Variants in MAP7 observed in about 807,000 individuals in gnomAD.
MAP7 encodes the protein ensconsin.
MAP7 carries 52 observed loss-of-function variants against 94.8 expected under a neutral mutation model. The ratio of observed to expected loss-of-function variants is 0.55; its 90% CI spans 0.44 to 0.69. MAP7 has a LOEUF of 0.69. Among genes scored for constraint, MAP7 ranks in the 30% least tolerant of loss-of-function variants. The pLI is 0.00. For synonymous variants in MAP7, 350 were observed against 357.0 expected, an observed-to-expected ratio of 0.98 and a Z score of 0.22; for missense variants, 940 against 964.6, an observed-to-expected ratio of 0.97 and a Z score of 0.34.
At chr6:136,365,676 T>C in intron 10 of MAP7, 59 bp downstream of exon 10, 2 of 1,548,686 alleles carry the variant, frequency 1.3e-6, no homozygotes, top group Non-Finnish European at 1.7e-6. Flanking sequence ...AAAAGCTTCA[T>C]CAAAACAGTG....
chr6:136,446,663 C>G (rs1484492292), intron 1 of MAP7, among the ~76,000 whole-genome samples: 3 of 152,208 alleles, frequency 2.0e-5, no homozygotes, highest in Admixed American at 2.0e-4. Flanking sequence ...CACCAGGAAT[C>G]TCATTCACAT....
At chr6:136,357,622 G>A (rs1161678462) in intron 15 of MAP7, among the ~76,000 whole-genome samples, 1 of 151,998 alleles carries the variant, frequency 6.6e-6, no homozygotes, top group African/African-American at 2.4e-5. Flanking sequence ...AGCCTCTCAA[G>A]TAGCTGGAAC....
chr6:136,426,811 G>A (rs1009771300), intron 1 of MAP7, among the ~76,000 whole-genome samples: 3 of 152,290 alleles, frequency 2.0e-5, no homozygotes, highest in African/African-American at 7.2e-5. Context: ...TTCTCGTGAA[G>A]GCAATGGAAA....
At chr6:136,419,334 A>G (rs1300960361) in intron 2 of MAP7, among the ~76,000 whole-genome samples, 1 of 152,240 alleles carries the variant, frequency 6.6e-6, no homozygotes, top group African/African-American at 2.4e-5. Flanking sequence ...GCAGTGGTGG[A>G]TGGGGAGAAC....
chr6:136,442,668 C>G (rs1798225016), intron 1 of MAP7, among the ~76,000 whole-genome samples: 1 of 152,134 alleles, frequency 6.6e-6, no homozygotes, highest in Admixed American at 6.5e-5. Flanking sequence ...AGAATTTAAA[C>G]TAGAATCATC....
At position 136,526,291 on chromosome 6, in the gene MAP7, A is replaced by ACG; in HGVS notation, c.67+24050_67+24051insCG. ...TACACGCGCGCGCACACACACACAC[A>ACG]CACACACACTCCTTCCAGAAAAGCC... On this transcript the variant is annotated intron_variant, in intron 1 of 17. Coordinates refer to ENST00000354570, the MANE Select transcript of MAP7 (RefSeq NM_003980.6). 3 of 1,043,986 alleles carry ACG rather than the reference A, an allele frequency of 2.9e-6. No individual in the cohort carries two copies. The African/African-American group carries it at 5.1e-5, about 18-fold the overall frequency. The allele number at this position is 1,043,986 out of a possible 1,614,324, so 64.7% of individuals were successfully genotyped here.
intron 1 of MAP7, among the ~76,000 whole-genome samples, chr6:136,474,538 T>A (rs1810192894): frequency 6.6e-6 from 1 of 152,154 alleles, no homozygotes; most frequent in Non-Finnish European, 1.5e-5. Context: ...TGAGTACTAC[T>A]ACAACAGAGC....
chr6:136,531,255 G>A lies in MAP7; in HGVS notation c.67+19087C>T, dbSNP rs574268884. Among the ~76,000 whole-genome samples, 7 of 144,978 alleles carry A rather than the reference G, an allele frequency of 4.8e-5. 1 individual carries two copies. Among genetic ancestry groups the A allele is most frequent in the African/African-American group, 2.0e-4 (7 of 35,042 alleles). ...ATCCAATTTTATAGATTCCAAATGA[G>A]GGAAAGAAATCAATCGCTGGGTTCA... On this transcript the variant is annotated intron_variant, in intron 1 of 17. Transcript: ENST00000354570.
chr6:136,468,469 G>T (rs2128931193), intron 1 of MAP7, among the ~76,000 whole-genome samples: 1 of 152,264 alleles, frequency 6.6e-6, no homozygotes, highest in East Asian at 1.9e-4. Flanking sequence ...TTACAATGGG[G>T]TTATGTCCTG....
intron 1 of MAP7, among the ~76,000 whole-genome samples, chr6:136,520,817 A>C (rs770531587): frequency 6.6e-6 from 1 of 152,236 alleles, no homozygotes; most frequent in African/African-American, 2.4e-5. Flanking sequence ...GCATGCAAGA[A>C]CATGATGGAG....
chr6:136,438,431 A>T (rs1796955338), intron 1 of MAP7, among the ~76,000 whole-genome samples: 1 of 152,220 alleles, frequency 6.6e-6, no homozygotes, highest in Non-Finnish European at 1.5e-5. Flanking sequence ...TGAGAAAGGG[A>T]TTAGACAAAC....
chr6:136,529,691 G>A (rs946412925), intron 1 of MAP7, among the ~76,000 whole-genome samples: 11 of 152,114 alleles, frequency 7.2e-5, no homozygotes, highest in African/African-American at 2.7e-4. Context: ...GCTTTATATT[G>A]CGTAAAAATA....
chr6:136,396,356 C>T (rs1462376238), intron 3 of MAP7, among the ~76,000 whole-genome samples: 1 of 152,004 alleles, frequency 6.6e-6, no homozygotes, highest in African/African-American at 2.4e-5. Context: ...TCTTTTTCCA[C>T]TGGTTTGTCA....
chr6:136,397,110 T>C (rs1000694651), intron 3 of MAP7, among the ~76,000 whole-genome samples: 3 of 152,144 alleles, frequency 2.0e-5, no homozygotes, highest in East Asian at 1.9e-4. Flanking sequence ...ACACAGCAAA[T>C]AGGCAAATTA....
intron 13 of MAP7, 47 bp downstream of exon 13, chr6:136,360,643 GGGTCTTA>G (rs1199283449): frequency 1.3e-6 from 2 of 1,508,604 alleles, no homozygotes; most frequent in African/African-American, 2.8e-5. Context: ...GCTAGTCTCT[GGGTCTTA>G]GAGGTGCAAG....
At chr6:136,372,699 T>G in intron 7 of MAP7, 74 bp from the exon 8 acceptor site, 1 of 1,599,438 alleles carries the variant, frequency 6.3e-7, no homozygotes, top group Non-Finnish European at 8.6e-7. Context: ...GAGGAGCAGT[T>G]GAAGAAAGCC....
At chr6:136,545,267 T>C (rs764101366) in intron 1 of MAP7, 1 of 151,908 alleles carries the variant, frequency 6.6e-6, no homozygotes, top group Non-Finnish European at 1.5e-5. Flanking sequence ...TAGGCAGATA[T>C]TCCTCATGCA....
At chr6:136,355,398 T>G (rs545431962) in intron 16 of MAP7, among the ~76,000 whole-genome samples, 79 of 152,148 alleles carry the variant, frequency 5.2e-4, no homozygotes, top group African/African-American at 1.9e-3. Context: ...AATAAAGTTA[T>G]TCAACATAAT....
intron 1 of MAP7, among the ~76,000 whole-genome samples, chr6:136,488,987 C>CAA (rs1464937758): frequency 2.0e-5 from 3 of 151,996 alleles, no homozygotes; most frequent in Non-Finnish European, 4.4e-5. Flanking sequence ...AGGCTGGCCT[C>CAA]AAATTCCTGA....
Sources: allele counts gnomAD v4.1 joint callset (sites outside exome capture counted in the v4.1 genomes callset), GRCh38; gene constraint gnomAD v4.1.1; transcripts MANE v1.5; gene names NCBI Gene and HGNC (gene_info 2026-07-23, HGNC 2026-07-21).